Variants in BCL11A observed in about 807,000 individuals in gnomAD.
BCL11A encodes BCL11 transcription factor A, also known as B cell CLL/lymphoma 11A.
BCL11A carries 2 observed loss-of-function variants against 55.9 expected under a neutral mutation model. The ratio of observed to expected loss-of-function variants is 0.04; its 90% CI spans 0.01 to 0.11. The LOEUF (loss-of-function observed/expected upper bound fraction) is 0.11. Among genes scored for constraint, BCL11A ranks in the 10% least tolerant of loss-of-function variants. The pLI is 1.00. For missense variants in BCL11A, 817 were observed against 1,137.1 expected, an observed-to-expected ratio of 0.72 and a Z score of 4.05; for synonymous variants, 465 against 473.4, an observed-to-expected ratio of 0.98 and a Z score of 0.23.
chr2:60,466,190 T>C (rs569757575), intron 3 of BCL11A, among the ~76,000 whole-genome samples: 19 of 129,562 alleles, frequency 1.5e-4, no homozygotes, highest in Admixed American at 4.6e-4. Context: ...AGCTCAGACT[T>C]TCCTACCAGT....
chr2:60,498,008 C>A lies in BCL11A; in HGVS notation c.386-29175G>T, dbSNP rs181041409. Among the ~76,000 whole-genome samples, 117 of 152,002 alleles carry A rather than the reference C, an allele frequency of 7.7e-4. 1 individual carries two copies. The highest frequency in any genetic ancestry group is 6.8e-3 in the Middle Eastern group (2 of 294). Reference sequence around the variant, plus strand: ...ATTGCTATGCACAAAATCCAAGAGGCCCATGGAGGTGGGGAGATGAGGGAC... The same window carrying A: ...ATTGCTATGCACAAAATCCAAGAGGACCATGGAGGTGGGGAGATGAGGGAC... On this transcript the variant is annotated intron_variant, in intron 2 of 3. Coordinates refer to ENST00000642384, the MANE Select transcript of BCL11A (RefSeq NM_022893.4).
At chr2:60,494,996 C>T (rs1033659876) in intron 2 of BCL11A, among the ~76,000 whole-genome samples, 2 of 152,134 alleles carry the variant, frequency 1.3e-5, no homozygotes, top group Non-Finnish European at 2.9e-5. Flanking sequence ...GGGTGGACAG[C>T]CCGACAGATG....
At chr2:60,454,402 C>T (rs993871840), downstream of BCL11A, among the ~76,000 whole-genome samples, 1 of 152,102 alleles carries the variant, frequency 6.6e-6, no homozygotes, top group Non-Finnish European at 1.5e-5. Context: ...GTTGAGAGAA[C>T]TCTGCCAATC....
At chr2:60,532,140 T>C (rs527750811) in intron 2 of BCL11A, among the ~76,000 whole-genome samples, 1 of 152,202 alleles carries the variant, frequency 6.6e-6, no homozygotes, top group East Asian at 1.9e-4. Flanking sequence ...AGGAAGAAAT[T>C]TGCATTTTCT....
chr2:60,452,840 C>G (rs1356393873), downstream of BCL11A: 3 of 566,008 alleles, frequency 5.3e-6, no homozygotes, highest in Non-Finnish European at 9.4e-6. Flanking sequence ...CCCCAAGTAT[C>G]TCTGACCTCT....
intron 2 of BCL11A, among the ~76,000 whole-genome samples, chr2:60,532,670 A>G (rs1435778686): frequency 6.6e-6 from 1 of 152,220 alleles, no homozygotes; most frequent in African/African-American, 2.4e-5. Flanking sequence ...ACTTTACTTG[A>G]AAAACAGTTT....
chr2:60,487,621 G>A (rs1403793575), intron 2 of BCL11A, among the ~76,000 whole-genome samples: 5 of 152,146 alleles, frequency 3.3e-5, no homozygotes, highest in Non-Finnish European at 7.4e-5. Flanking sequence ...AAGGCTTAGC[G>A]GATCCCCCTT....
chr2:60,488,734 G>C (rs184617769), intron 2 of BCL11A, among the ~76,000 whole-genome samples: 76 of 151,426 alleles, frequency 5.0e-4, no homozygotes, highest in Admixed American at 1.1e-3. Context: ...TACCCAAAAC[G>C]ATTTTGTTTG....
At chr2:60,481,846 C>G (rs1677978211) in intron 2 of BCL11A, among the ~76,000 whole-genome samples, 1 of 152,176 alleles carries the variant, frequency 6.6e-6, no homozygotes, top group South Asian at 2.1e-4. Flanking sequence ...TCAGCATGCT[C>G]TCTGGGAAGT....
At chr2:60,501,459 T>C (rs1679274340) in intron 2 of BCL11A, among the ~76,000 whole-genome samples, 1 of 151,966 alleles carries the variant, frequency 6.6e-6, no homozygotes, top group South Asian at 2.1e-4. Flanking sequence ...GGTGCTTCCC[T>C]GAGTGGCAAG....
chr2:60,546,355 G>A lies in BCL11A; in HGVS notation c.56-55C>T, dbSNP rs1392065766. 18 of 1,495,742 alleles carry A rather than the reference G, an allele frequency of 1.2e-5. 1 individual carries two copies. In the Admixed American group the frequency reaches 3.2e-4, roughly 27 times the overall value. The allele number at this position is 1,495,742 out of a possible 1,614,324, so 92.7% of individuals were successfully genotyped here. ...TTAGAGTGCCAGAGAGGACAGAAAG[G>A]GGAGAAGCACATCTCAACCCCATGC... is the stretch of plus-strand genomic sequence containing the variant. On this transcript the variant is annotated intron_variant, in intron 1 of 3. Coordinates refer to ENST00000642384, the MANE Select transcript of BCL11A (RefSeq NM_022893.4). The surrounding 1 kb of genome is among the most constrained non-coding windows in gnomAD (Gnocchi z 4.1).
chr2:60,527,483 T>C (rs985057870), intron 2 of BCL11A: 1 of 152,282 alleles, frequency 6.6e-6, no homozygotes, highest in Non-Finnish European at 1.5e-5. Context: ...AGGACGTCCA[T>C]GCCCCGGGAC....
chr2:60,459,793 G>A lies in BCL11A; in HGVS notation c.*611C>T. ...TGATACATTTAACCCTTTAGAGACA[G>A]ACATTTAGCTCATAGAGATTTTTTT... On this transcript the variant is annotated 3_prime_UTR_variant, in exon 4 of 4. Transcript: ENST00000642384. The A allele has an allele frequency of 9.6e-7, 1 of 1,043,338 alleles. No homozygotes were observed. The highest frequency in any genetic ancestry group is 1.2e-6 in the Non-Finnish European group (1 of 865,284). 64.6% of individuals were successfully genotyped at this position (1,043,338 alleles called of 1,614,324 possible).
intron 2 of BCL11A, among the ~76,000 whole-genome samples, chr2:60,515,150 A>C (rs1668677054): frequency 6.6e-6 from 1 of 152,238 alleles, no homozygotes; most frequent in Non-Finnish European, 1.5e-5. Context: ...TGAGCGAGAC[A>C]GAATCTGCAA....
chr2:60,467,138 T>TAG (rs1676687968), intron 3 of BCL11A, among the ~76,000 whole-genome samples: 2 of 61,754 alleles, frequency 3.2e-5, no homozygotes, highest in Non-Finnish European at 6.8e-5. Context: ...GATGGTGGTG[T>TAG]TGGTGGTGAT....
intron 2 of BCL11A, among the ~76,000 whole-genome samples, chr2:60,529,866 G>A (rs1018873681): frequency 2.0e-5 from 3 of 152,192 alleles, no homozygotes; most frequent in African/African-American, 7.2e-5. Flanking sequence ...AAGCCCTGGT[G>A]TCCCCTAGGT....
chr2:60,484,510 T>C (rs1402506669), intron 2 of BCL11A: 2 of 152,160 alleles, frequency 1.3e-5, no homozygotes, highest in African/African-American at 4.8e-5. Flanking sequence ...ATAAACCGGG[T>C]TGCTTTTCAC....
intron 2 of BCL11A, among the ~76,000 whole-genome samples, chr2:60,482,660 G>A (rs1187487679): frequency 6.6e-6 from 1 of 152,194 alleles, no homozygotes; most frequent in Non-Finnish European, 1.5e-5. Flanking sequence ...AACCCTGAAA[G>A]CACACTGCAT....
chr2:60,457,421 T>G lies in BCL11A; in HGVS notation c.*2983A>C. Reference sequence around the variant, plus strand: ...AAAGATCAAATTAAGTGCCTCTGTTTTGAACAGGGCACATAAGCAATAATA... The same window carrying G: ...AAAGATCAAATTAAGTGCCTCTGTTGTGAACAGGGCACATAAGCAATAATA... On this transcript the variant is annotated 3_prime_UTR_variant, in exon 4 of 4. Coordinates refer to ENST00000642384, the MANE Select transcript of BCL11A (RefSeq NM_022893.4). 9.7e-7 allele frequency: 1 copy of G among 1,033,886 alleles called. No individual in the cohort carries two copies. The highest frequency in any genetic ancestry group is 1.2e-6 in the Non-Finnish European group (1 of 857,522). 64.0% of individuals were successfully genotyped at this position (1,033,886 alleles called of 1,614,324 possible). A position where few individuals can be genotyped will look rare whatever the true frequency, so the allele number is the denominator to read the frequency against.
Sources: gnomAD v4.1 joint callset for allele counts (sites outside exome capture counted in the v4.1 genomes callset) on GRCh38, gnomAD v4.1.1 for gene constraint, Gnocchi (gnomAD v3.1) non-coding constraint, MANE v1.5 for transcripts, NCBI Gene and HGNC (gene_info 2026-07-23, HGNC 2026-07-21) for gene names.